Variants in NEB observed in about 807,000 individuals in gnomAD.
NEB encodes the protein nebulin.
Under a neutral mutation model 952.2 loss-of-function variants are expected in NEB, and 512 were observed. The observed-to-expected ratio is 0.54, with a 90% CI of 0.50 to 0.58. The LOEUF (loss-of-function observed/expected upper bound fraction) is 0.58. Among genes scored for constraint, NEB ranks in the 20% least tolerant of loss-of-function variants. NEB has a pLI of 0.00. For missense variants in NEB, 8,428 were observed against 9,231.1 expected (o/e 0.91, Z 3.56); for synonymous variants, 2,900 against 3,149.8 (o/e 0.92, Z 2.66).
chr2:151,675,291 C>T lies in NEB; in HGVS notation c.3875G>A (p.Ser1292Asn). 6.4e-7 allele frequency: 1 copy of T among 1,572,016 alleles called. No individual in the cohort carries two copies. Among genetic ancestry groups the T allele is most frequent in the Non-Finnish European group, 8.7e-7 (1 of 1,151,414 alleles). ...LQAKCNAYNI[S>N]DVCYKRDWYD... ...CCCAGCAAAGACCCTACTTACGTCA[C>T]TTATATTGTAAGCATTGCACTTGGC... Residue 1292 changes from serine (S) to asparagine (N), a missense_variant, in exon 35 of 182, where the codon AGT becomes AAT. By Grantham distance (46) the Ser-to-Asn change is conservative. Around this residue, in one of 11 missense-constraint regions of NEB, gnomAD observed 2,851 missense variants for 2,791.5 expected, o/e 1.02. Transcript: ENST00000397345.
intron 75 of NEB, among the ~76,000 whole-genome samples, chr2:151,616,649 G>A (rs1369216893): frequency 6.6e-6 from 1 of 152,180 alleles, no homozygotes; most frequent in Non-Finnish European, 1.5e-5. Context: ...AACCAAAATT[G>A]TGCCACTGCA....
Position 151,640,460 on chromosome 2 carries a change from G to C in NEB, c.8580C>G (p.Thr2860=). Residue 2860 remains threonine (T), a synonymous_variant, in exon 61 of 182, where the codon ACC becomes ACG. Transcript: ENST00000397345. Reference sequence around the variant, plus strand: ...TCTTGTAGTCCACATCGCTGACTAAGGTCTGGCACTTCTTGGCCAGCACCA... The same window carrying C: ...TCTTGTAGTCCACATCGCTGACTAACGTCTGGCACTTCTTGGCCAGCACCA... The part of the protein sequence containing the change: ...LGVVLAKKCQ[T]LVSDVDYKNY... 1 of 1,613,910 alleles carries C rather than the reference G, an allele frequency of 6.2e-7. No individual in the cohort carries two copies. The highest frequency in any genetic ancestry group is 8.5e-7 in the Non-Finnish European group (1 of 1,179,872).
intron 17 of NEB, among the ~76,000 whole-genome samples, chr2:151,696,355 A>G (rs190514184): frequency 6.6e-6 from 1 of 152,346 alleles, no homozygotes; most frequent in Non-Finnish European, 1.5e-5. Flanking sequence ...CCAGACATCA[A>G]TGACAGAGCT....
Position 151,709,653 on chromosome 2 carries a change from T to A in NEB, c.1035+3A>T, listed in dbSNP as rs1451916452. The A allele has an allele frequency of 6.3e-7, 1 of 1,580,484 alleles. No homozygotes were observed. Among genetic ancestry groups the A allele is most frequent in the Non-Finnish European group, 8.6e-7 (1 of 1,159,932 alleles). ...CAAGATAAATGGGATGATTTCCTCA[T>A]ACCTTGCTAGCTGCCACACCAGCTT... On this transcript the variant is annotated splice_donor_region_variant and intron_variant, in intron 12 of 181. Transcript: ENST00000397345.
At chr2:151,573,133 G>A (rs886466294) in intron 107 of NEB, among the ~76,000 whole-genome samples, 3 of 152,176 alleles carry the variant, frequency 2.0e-5, no homozygotes, top group South Asian at 2.1e-4. Context: ...TTAAATTGTG[G>A]GTTTAATCAA....
At chr2:151,666,061 T>C (rs2099213482) in intron 41 of NEB, 29 bp downstream of exon 41, 2 of 1,580,348 alleles carry the variant, frequency 1.3e-6, no homozygotes. Flanking sequence ...CCATTAGAAA[T>C]GGATAACAAC....
chr2:151,485,655 A>C lies in NEB; in HGVS notation c.*105T>G. The C allele has an allele frequency of 8.7e-7, 1 of 1,147,024 alleles. No homozygotes were observed. The highest frequency in any genetic ancestry group is 1.8e-5 in the South Asian group (1 of 54,578). 71.1% of individuals were successfully genotyped at this position (1,147,024 alleles called of 1,614,324 possible). On this transcript the variant is annotated 3_prime_UTR_variant, in exon 182 of 182. Coordinates refer to ENST00000397345, the MANE Select transcript of NEB (RefSeq NM_001164508.2). ...TACCATAAATCACATTGACACAGAA[A>C]AACCATAGGCAGCTTGAGAACTTAG...
intron 161 of NEB, among the ~76,000 whole-genome samples, chr2:151,512,155 C>T (rs1033428502): frequency 2.6e-5 from 4 of 151,334 alleles, no homozygotes; most frequent in Non-Finnish European, 5.9e-5. Context: ...CTCAGCCTCC[C>T]AAGTAGCTGG....
In NEB at chr2:151,564,125, C is replaced by T. The variant is rs949545775; in HGVS notation, c.18472-195G>A. On this transcript the variant is annotated intron_variant, in intron 117 of 181. Coordinates refer to ENST00000397345, the MANE Select transcript of NEB (RefSeq NM_001164508.2). ...GCAAATTAAACTTACAGACTCGAGGCATTTTATTTTTTATTTTATTTTATT... is the reference window on the plus strand; with the variant it reads ...GCAAATTAAACTTACAGACTCGAGGTATTTTATTTTTTATTTTATTTTATT... Among the ~76,000 whole-genome samples the T allele has an allele frequency of 5.3e-5, 8 of 151,914 alleles. 1 individual carries two copies. The South Asian group carries it at 6.3e-4, about 12-fold the overall frequency.
At chr2:151,668,572 G>A (rs1361394996) in intron 39 of NEB, among the ~76,000 whole-genome samples, 1 of 151,994 alleles carries the variant, frequency 6.6e-6, no homozygotes, top group Non-Finnish European at 1.5e-5. Flanking sequence ...CATAATAGTG[G>A]ATTTAAACAT....
chr2:151,702,372 T>A (rs1310502418), intron 13 of NEB, among the ~76,000 whole-genome samples: 1 of 152,332 alleles, frequency 6.6e-6, no homozygotes, highest in East Asian at 1.9e-4. Flanking sequence ...TCTGTAGATG[T>A]CAATTAGGTC....
Position 151,694,398 on chromosome 2 carries a change from T to C in NEB, c.1821A>G (p.Lys607=). The C allele has an allele frequency of 6.2e-7, 1 of 1,613,942 alleles. No individual in the cohort carries two copies. Among genetic ancestry groups the C allele is most frequent in the Non-Finnish European group, 8.5e-7 (1 of 1,179,874 alleles). The change falls in exon 20 of 182, where the codon AAA becomes AAG. Residue 607 remains lysine (K), a synonymous_variant. Transcript: ENST00000397345. ...YKKDYEKNKG[K]MIGVLSINDD... ...CATTAATGCTGAGGACTCCAATCAT[T>C]TTCCCTTTGTTTTTTTCATAGTCTT... is the stretch of plus-strand genomic sequence containing the variant.
chr2:151,652,666 T>C (rs571772483), intron 52 of NEB, among the ~76,000 whole-genome samples: 1 of 152,226 alleles, frequency 6.6e-6, no homozygotes, highest in African/African-American at 2.4e-5. Flanking sequence ...TAAATACTTA[T>C]AAAATTGTTT....
chr2:151,511,915 T>C (rs1054944506), intron 161 of NEB, among the ~76,000 whole-genome samples: 2 of 152,128 alleles, frequency 1.3e-5, no homozygotes, highest in African/African-American at 4.8e-5. Flanking sequence ...ATTTTACATG[T>C]TAAAATATTG....
Position 151,499,321 on chromosome 2 carries a change from G to T in NEB, c.24091C>A (p.His8031Asn). 1 of 1,533,070 alleles carries T rather than the reference G, an allele frequency of 6.5e-7. No homozygotes were observed. The highest frequency in any genetic ancestry group is 8.8e-7 in the Non-Finnish European group (1 of 1,135,932). The allele number at this position is 1,533,070 out of a possible 1,614,324, so 95.0% of individuals were successfully genotyped here. A position where few individuals can be genotyped will look rare whatever the true frequency, so the allele number is the denominator to read the frequency against. ...PITPEMERVK[H>N]NQENFSSVLY... ...ACCGAACTAAAGTTTTCTTGATTGT[G>T]TTTGACTCTCTCCATCTCTGGAGTG... The change falls in exon 169 of 182, where the codon CAC becomes AAC. Residue 8031 changes from histidine to asparagine, a missense_variant. By Grantham distance (68) the His-to-Asn change is moderately conservative (BLOSUM62 1). Transcript: ENST00000397345.
intron 10 of NEB, 127 bp from the exon 11 acceptor site, chr2:151,710,665 T>C: frequency 1.8e-6 from 1 of 546,124 alleles, no homozygotes; most frequent in South Asian, 3.0e-5. Flanking sequence ...CCTTAATAAA[T>C]GCCTTTAAAA....
intron 12 of NEB, 29 bp from the exon 13 acceptor site, chr2:151,707,026 A>T: frequency 7.0e-7 from 1 of 1,420,788 alleles, no homozygotes; most frequent in Non-Finnish European, 9.7e-7. Context: ...ATGATAAAGT[A>T]ACTCTATGGG....
chr2:151,666,137 C>T lies in NEB; in HGVS notation c.4984G>A (p.Ala1662Thr). 2 of 1,613,808 alleles carry T rather than the reference C, an allele frequency of 1.2e-6. No homozygotes were observed. Among genetic ancestry groups the T allele is most frequent in the Non-Finnish European group, 8.5e-7 (1 of 1,179,770 alleles). The change falls in exon 41 of 182, where the codon GCC becomes ACC. Residue 1662 changes from alanine (A) to threonine (T), a missense_variant. Around this residue, in one of 11 missense-constraint regions of NEB, gnomAD observed 2,851 missense variants for 2,791.5 expected, o/e 1.02. Transcript: ENST00000397345. ...SYHHYTLLPD[A>T]LNVEHSRNAM... Reference sequence around the variant, plus strand: ...TTCCTGGAGTGCTCCACATTCAAGGCATCGGGCAGGAGAGTGTAGTGGTGG... The same window carrying T: ...TTCCTGGAGTGCTCCACATTCAAGGTATCGGGCAGGAGAGTGTAGTGGTGG...
In NEB at chr2:151,537,897, C is replaced by A; in HGVS notation, c.21077G>T (p.Arg7026Leu). 6.2e-7 allele frequency: 1 copy of A among 1,611,548 alleles called. No individual in the cohort carries two copies. Among genetic ancestry groups the A allele is most frequent in the South Asian group, 1.1e-5 (1 of 90,496 alleles). The change falls in exon 140 of 182, where the codon CGA (arginine) becomes CTA (leucine). Residue 7026 changes from arginine (R) to leucine (L), a missense_variant. Around this residue, in one of 11 missense-constraint regions of NEB, gnomAD observed 3,374 missense variants for 3,651.5 expected, o/e 0.92. Transcript: ENST00000397345. ...ATCACTGACTGTGTCAGTGACTGCTCGGTGGTGGAAATGCTCTGGACGATC... is the reference window on the plus strand; with the variant it reads ...ATCACTGACTGTGTCAGTGACTGCTAGGTGGTGGAAATGCTCTGGACGATC... ...IPDRPEHFHH[R>L]AVTDTVSDVK...
Sources: allele counts gnomAD v4.1 joint callset (sites outside exome capture counted in the v4.1 genomes callset), GRCh38; gene constraint gnomAD v4.1.1; regional missense constraint gnomAD v4.1.1; transcripts MANE v1.5; gene names NCBI Gene and HGNC (gene_info 2026-07-23, HGNC 2026-07-21).